The following EPHA4 variants were observed in gnomAD, a reference collection of about 807,000 sequenced individuals.
EPHA4 encodes ephrin type-A receptor 4.
A neutral mutation model predicts 108.3 loss-of-function variants in EPHA4; 19 were observed. The ratio of observed to expected loss-of-function variants is 0.18; its 90% CI spans 0.12 to 0.26. The LOEUF (loss-of-function observed/expected upper bound fraction) is 0.26. Ranked by LOEUF, EPHA4 falls within the 10% of genes least tolerant of loss-of-function variation. EPHA4 has a pLI of 1.00. For missense variants in EPHA4, 917 were observed against 1,254.0 expected (o/e 0.73, Z 4.06); for synonymous variants, 449 against 455.5 (o/e 0.99, Z 0.18).
At chr2:221,446,228 A>C in intron 8 of EPHA4, 47 bp from the exon 9 acceptor site, 13 of 1,199,352 alleles carry the variant, frequency 1.1e-5, no homozygotes, top group Non-Finnish European at 1.5e-5. Context: ...TCAAACACCT[A>C]AGCTTTAACA....
chr2:221,534,823 G>C (rs775077234), intron 3 of EPHA4, among the ~76,000 whole-genome samples: 7 of 152,104 alleles, frequency 4.6e-5, no homozygotes, highest in Non-Finnish European at 8.8e-5. Context: ...GGGGAAAAAA[G>C]GTAAATAACT....
chr2:221,513,694 C>A (rs1412802002), intron 3 of EPHA4, among the ~76,000 whole-genome samples: 1 of 152,232 alleles, frequency 6.6e-6, no homozygotes, highest in Non-Finnish European at 1.5e-5. Context: ...TTTGAGCACA[C>A]AAGATTTTTA....
chr2:221,511,153 G>T (rs1160627586), intron 3 of EPHA4, among the ~76,000 whole-genome samples: 1 of 152,140 alleles, frequency 6.6e-6, no homozygotes, highest in Admixed American at 6.6e-5. Context: ...AGATGTTGCT[G>T]CCAGGTTTGA....
Position 221,572,224 on chromosome 2 carries a change from G to C in EPHA4, c.25C>G (p.Leu9Val), listed in dbSNP as rs1264445058. ...CAAATCCCGAAGAGACACGAAAATA[G>C]GGCGAAATAGAAAATCCCAGCCATG... MAGIFYFA[L>V]FSCLFGICDA... The change falls in exon 1 of 18, where the codon CTA (leucine) becomes GTA (valine). Residue 9 changes from leucine to valine, a missense_variant. Leu to Val is a conservative substitution (Grantham distance 32). Around this residue, in one of 3 missense-constraint regions of EPHA4, gnomAD observed 758 missense variants for 1,076.7 expected, o/e 0.70. Transcript: ENST00000281821. 2 of 1,614,038 alleles carry C rather than the reference G, an allele frequency of 1.2e-6. No homozygotes were observed. Among genetic ancestry groups the C allele is most frequent in the Admixed American group, 3.3e-5 (2 of 60,016 alleles).
intron 3 of EPHA4, among the ~76,000 whole-genome samples, chr2:221,523,090 T>C (rs1431824954): frequency 6.6e-6 from 1 of 151,862 alleles, no homozygotes; most frequent in Non-Finnish European, 1.5e-5. Context: ...TGTCTGTCCT[T>C]ATGCAGCATT....
chr2:221,499,743 TATA>T (rs1285533538), intron 4 of EPHA4, among the ~76,000 whole-genome samples: 26 of 60,676 alleles, frequency 4.3e-4, no homozygotes, highest in Non-Finnish European at 6.8e-4. Flanking sequence ...TATATATATA[TATA>T]TATATATATA....
intron 3 of EPHA4, among the ~76,000 whole-genome samples, chr2:221,515,797 C>T (rs758924971): frequency 6.6e-5 from 10 of 152,066 alleles, no homozygotes; most frequent in South Asian, 2.1e-4. Context: ...GCCTGGGCAA[C>T]GGAGCAAGAC....
rs767216169 is a variant in EPHA4, at chr2:221,437,040, T to C, written c.2136+21A>G. The C allele has an allele frequency of 5.1e-6, 8 of 1,576,156 alleles. No individual in the cohort carries two copies. In the East Asian group the frequency reaches 1.6e-4, roughly 31 times the overall value. On this transcript the variant is annotated intron_variant, in intron 12 of 17. Coordinates refer to ENST00000281821, the MANE Select transcript of EPHA4 (RefSeq NM_004438.5). The stretch of plus-strand genomic sequence containing the variant: ...TTCTAAATACCAACATTCTTGGGTT[T>C]AATATAAAGTAGTCACATACCCTGA...
chr2:221,475,118 G>A (rs1005501671), intron 5 of EPHA4, among the ~76,000 whole-genome samples: 5 of 152,134 alleles, frequency 3.3e-5, no homozygotes, highest in African/African-American at 7.2e-5. Context: ...TGATCCACTC[G>A]CCCTAGCCTC....
chr2:221,501,768 G>T (rs536450017), intron 3 of EPHA4, among the ~76,000 whole-genome samples: 3 of 152,088 alleles, frequency 2.0e-5, no homozygotes, highest in Non-Finnish European at 4.4e-5. Flanking sequence ...ACTACAGAAA[G>T]AACCAAATCG....
chr2:221,494,671 G>A (rs1692251626), intron 4 of EPHA4, among the ~76,000 whole-genome samples: 1 of 152,076 alleles, frequency 6.6e-6, no homozygotes. Flanking sequence ...TCCCAGTGGG[G>A]GAAAAGAAGA....
intron 5 of EPHA4, among the ~76,000 whole-genome samples, chr2:221,482,120 T>C (rs1691838258): frequency 6.6e-6 from 1 of 152,154 alleles, no homozygotes; most frequent in Admixed American, 6.5e-5. Context: ...TTGCCCAGTC[T>C]GGTCTTGATC....
rs560653664 is a variant in EPHA4, at chr2:221,496,803, G to A, written c.979+4214C>T. On this transcript the variant is annotated intron_variant, in intron 4 of 17. Coordinates refer to ENST00000281821, the MANE Select transcript of EPHA4 (RefSeq NM_004438.5). ...GTGTGCCTGTAATCCCAGCTACTTG[G>A]GAGGCTGAGGCAGGAGAATCACTTG... Among the ~76,000 whole-genome samples the A allele has an allele frequency of 2.3e-3, 350 of 152,180 alleles. 2 individuals carry two copies. The highest frequency in any genetic ancestry group is 8.2e-3 in the African/African-American group (341 of 41,520).
intron 3 of EPHA4, among the ~76,000 whole-genome samples, chr2:221,514,808 A>G (rs1692941471): frequency 6.6e-6 from 1 of 152,204 alleles, no homozygotes; most frequent in Non-Finnish European, 1.5e-5. Flanking sequence ...ACATGCTCCC[A>G]AAGTGTTTGG....
At chr2:221,521,861 C>T (rs1693174510) in intron 3 of EPHA4, among the ~76,000 whole-genome samples, 1 of 152,174 alleles carries the variant, frequency 6.6e-6, no homozygotes, top group Non-Finnish European at 1.5e-5. Flanking sequence ...CCTGTAGTCC[C>T]AGCTACTCGG....
intron 2 of EPHA4, among the ~76,000 whole-genome samples, chr2:221,565,135 A>C (rs1694591116): frequency 6.6e-6 from 1 of 152,200 alleles, no homozygotes; most frequent in Non-Finnish European, 1.5e-5. Context: ...CAAAACTAGA[A>C]AACAGACATG....
intron 3 of EPHA4, among the ~76,000 whole-genome samples, chr2:221,515,677 C>T (rs980436940): frequency 9.9e-5 from 15 of 152,076 alleles, no homozygotes; most frequent in Admixed American, 7.2e-4. Context: ...ATTAGCTGGG[C>T]ATAGTGGCAT....
Position 221,442,946 on chromosome 2 carries a change from T to G in EPHA4, c.1957A>C (p.Lys653Gln). The change falls in exon 11 of 18, where the codon AAG (lysine) becomes CAG (glutamine). Residue 653 changes from lysine to glutamine, a missense_variant. Coordinates refer to ENST00000281821, the MANE Select transcript of EPHA4 (RefSeq NM_004438.5). The stretch of plus-strand genomic sequence containing the variant: ...TCTGTATAACCAGCTTTCAGAGTCT[T>G]GATAGCCACACAGATCTCTCTCTTG... ...PGKREICVAIKTLKAGYTDKQ... is the reference protein window; with the variant it reads ...PGKREICVAIQTLKAGYTDKQ... 1.2e-6 allele frequency: 2 copies of G among 1,614,186 alleles called. No homozygotes were observed. Among genetic ancestry groups the G allele is most frequent in the Non-Finnish European group, 8.5e-7 (1 of 1,180,020 alleles).
intron 3 of EPHA4, among the ~76,000 whole-genome samples, chr2:221,511,349 G>T (rs1167378363): frequency 6.6e-6 from 1 of 151,488 alleles, no homozygotes; most frequent in African/African-American, 2.4e-5. Context: ...TATAACAATG[G>T]CTGAGTCTTG....
Sources: gnomAD v4.1 joint callset for allele counts (sites outside exome capture counted in the v4.1 genomes callset) on GRCh38, gnomAD v4.1.1 for gene constraint, gnomAD v4.1.1 regional missense constraint, MANE v1.5 for transcripts, NCBI Gene and HGNC (gene_info 2026-07-23, HGNC 2026-07-21) for gene names.